The following RTF1 variants were observed in gnomAD, a reference collection of about 807,000 sequenced individuals.
RTF1 encodes RTF1 homolog, Paf1/RNA polymerase II complex component.
RTF1 carries 10 observed loss-of-function variants against 95.7 expected under a neutral mutation model. The ratio of observed to expected loss-of-function variants is 0.10; its 90% confidence interval spans 0.06 to 0.18. RTF1 has a LOEUF of 0.18. Ranked by LOEUF, RTF1 falls within the 10% of genes least tolerant of loss-of-function variation. The pLI is 1.00. For synonymous variants in RTF1, 305 were observed against 311.8 expected (o/e 0.98, Z 0.23); for missense variants, 458 against 875.6 (o/e 0.52, Z 6.02).
intron 1 of RTF1, among the ~76,000 whole-genome samples, chr15:41,424,456 A>G (rs1407263749): frequency 1.3e-5 from 2 of 152,206 alleles, no homozygotes; most frequent in Admixed American, 6.5e-5. Context: ...CAGAGTGAGT[A>G]ACATAAACTA....
chr15:41,473,845 T>C (rs941086935), intron 8 of RTF1, among the ~76,000 whole-genome samples: 1 of 151,668 alleles, frequency 6.6e-6, no homozygotes, highest in Non-Finnish European at 1.5e-5. Flanking sequence ...GAGACCATCC[T>C]GGCTAACATG....
chr15:41,478,770 CT>C (rs2050955150), intron 15 of RTF1, 145 bp downstream of exon 15: 3 of 699,802 alleles, frequency 4.3e-6, no homozygotes, highest in Non-Finnish European at 7.3e-6. Flanking sequence ...TGGATACTTC[CT>C]TTTTTATCTT....
intron 1 of RTF1, among the ~76,000 whole-genome samples, chr15:41,431,781 G>A (rs1284137979): frequency 6.6e-6 from 1 of 151,954 alleles, no homozygotes; most frequent in Admixed American, 6.6e-5. Context: ...CTACAGTTGT[G>A]AGCCAGTGTC....
intron 3 of RTF1, 32 bp downstream of exon 3, chr15:41,453,080 A>G (rs199640276): frequency 1.3e-6 from 2 of 1,508,900 alleles, no homozygotes; most frequent in South Asian, 1.4e-5. Flanking sequence ...TGGAAGGTCA[A>G]CTCCCACTCT....
chr15:41,418,639 C>A (rs1193063024), intron 1 of RTF1, among the ~76,000 whole-genome samples: 1 of 151,914 alleles, frequency 6.6e-6, no homozygotes, highest in Non-Finnish European at 1.5e-5. Flanking sequence ...GGAGAAACCC[C>A]ATCTCTACTA....
At chr15:41,445,977 ATCTG>A (rs2050758761) in intron 2 of RTF1, among the ~76,000 whole-genome samples, 1 of 152,024 alleles carries the variant, frequency 6.6e-6, no homozygotes, top group South Asian at 2.1e-4. Context: ...GCCTCAAGTG[ATCTG>A]TCTGCCTCGG....
At position 41,476,484 on chromosome 15, in the gene RTF1, C is replaced by T. The variant is rs1028824782; in HGVS notation, c.1521C>T (p.Pro507=). The T allele has an allele frequency of 3.7e-6, 6 of 1,613,818 alleles. No homozygotes were observed. The Admixed American group carries it at 8.3e-5, about 22-fold the overall frequency. Residue 507 remains proline (P), a synonymous_variant, in exon 12 of 18, where the codon CCC becomes CCT. Transcript: ENST00000389629. ...AAGAAAGGTTCAGAAAAGCTCCACCCAACTACGCTATGAAGAAGACTCAGC... is the reference window on the plus strand; with the variant it reads ...AAGAAAGGTTCAGAAAAGCTCCACCTAACTACGCTATGAAGAAGACTCAGC... ...KEKERFRKAP[P]NYAMKKTQLL...
rs1566852608 is a variant in RTF1 at position 41,483,284 on chromosome 15, C to T, written c.*2597C>T. ...GGGGAATTCCCTCATTGGGCCCCTC[C>T]TCCCTCCACAGTGTGGTTTCAGTGT... On this transcript the variant is annotated 3_prime_UTR_variant, in exon 18 of 18. Transcript: ENST00000389629. 1 of 152,596 alleles carries T rather than the reference C, an allele frequency of 6.6e-6. No homozygotes were observed. Among genetic ancestry groups the T allele is most frequent in the Non-Finnish European group, 1.5e-5 (1 of 68,042 alleles). The allele number at this position is 152,596 out of a possible 1,614,324, so 9.5% of individuals were successfully genotyped here.
intron 1 of RTF1, among the ~76,000 whole-genome samples, chr15:41,430,741 C>G (rs1259919014): frequency 6.6e-6 from 1 of 151,874 alleles, no homozygotes; most frequent in African/African-American, 2.4e-5. Context: ...ATTTCATCTC[C>G]AAAAACAAAC....
Position 41,477,507 on chromosome 15 carries a change from G to C in RTF1, c.1732G>C (p.Ala578Pro). ...GTGGAACATTGTAGAGTCTGAGAAG[G>C]CCCTTGTGGTAAGAAAACTTTATCT... is the stretch of plus-strand genomic sequence containing the variant. ...REWNIVESEKALVAESHNMKN... is the reference protein window; with the variant it reads ...REWNIVESEKPLVAESHNMKN... Residue 578 changes from alanine (A) to proline (P), a missense_variant, in exon 14 of 18, where the codon GCC becomes CCC. Ala to Pro is a conservative substitution (Grantham distance 27). This residue lies in a region of RTF1 where 15 missense variants were observed against 57.1 expected (regional missense o/e 0.26). Transcript: ENST00000389629. 1 of 1,614,142 alleles carries C rather than the reference G, an allele frequency of 6.2e-7. No homozygotes were observed. Among genetic ancestry groups the C allele is most frequent in the Non-Finnish European group, 8.5e-7 (1 of 1,179,958 alleles).
chr15:41,471,309 G>A lies in RTF1; in HGVS notation c.1163G>A (p.Arg388Gln). ...AAAACTGTCACAGGATGTTTTGTGC[G>A]GATTGGCATCGGAAACCACAACAGC... is the stretch of plus-strand genomic sequence containing the variant. ...FAKTVTGCFV[R>Q]IGIGNHNSKP... Residue 388 changes from arginine to glutamine, a missense_variant, in exon 8 of 18, where the codon CGG becomes CAG. By Grantham distance (43) the Arg-to-Gln change is conservative. Around this residue, in one of 11 missense-constraint regions of RTF1, gnomAD observed 150 missense variants for 275.7 expected, o/e 0.54. Transcript: ENST00000389629. 1 of 1,613,358 alleles carries A rather than the reference G, an allele frequency of 6.2e-7. No homozygotes were observed. Among genetic ancestry groups the A allele is most frequent in the Non-Finnish European group, 8.5e-7 (1 of 1,179,832 alleles).
chr15:41,452,888 T>A lies in RTF1; in HGVS notation c.310-13T>A. 6.4e-7 allele frequency: 1 copy of A among 1,555,090 alleles called. No homozygotes were observed. The highest frequency in any genetic ancestry group is 8.7e-7 in the Non-Finnish European group (1 of 1,154,136). ...TTCCTATTTCAGTCTTCCTTTTTCT[T>A]TTCTCCTTATAGTGGACATTTGGGA... On this transcript the variant is annotated splice_polypyrimidine_tract_variant and intron_variant, in intron 2 of 17. Transcript: ENST00000389629.
chr15:41,461,936 TAG>T (rs1423429984), intron 4 of RTF1, among the ~76,000 whole-genome samples: 16 of 149,656 alleles, frequency 1.1e-4, no homozygotes, highest in Non-Finnish European at 7.4e-5. Flanking sequence ...TTTTTTTTTT[TAG>T]AGAGGGGGGG....
intron 6 of RTF1, among the ~76,000 whole-genome samples, chr15:41,469,202 A>C (rs2050896806): frequency 1.3e-5 from 2 of 151,870 alleles, no homozygotes; most frequent in Non-Finnish European, 2.9e-5. Context: ...CCTGACCTTA[A>C]GTGATCCGCC....
At chr15:41,462,328 G>A (rs1431233382) in intron 4 of RTF1, among the ~76,000 whole-genome samples, 1 of 152,080 alleles carries the variant, frequency 6.6e-6, no homozygotes. Flanking sequence ...ATTTTCAGTT[G>A]TTAGATTATT....
intron 1 of RTF1, among the ~76,000 whole-genome samples, chr15:41,436,399 G>A (rs1201056338): frequency 6.6e-6 from 1 of 150,984 alleles, no homozygotes; most frequent in Admixed American, 6.6e-5. Context: ...CGATCTTGCA[G>A]TGAGCCAAGA....
intron 4 of RTF1, among the ~76,000 whole-genome samples, chr15:41,461,260 C>T (rs1036544437): frequency 2.0e-5 from 3 of 151,530 alleles, no homozygotes; most frequent in Admixed American, 2.0e-4. Context: ...CCAGGCTGGT[C>T]TCCATCCACC....
At chr15:41,430,451 A>G (rs2050663852) in intron 1 of RTF1, among the ~76,000 whole-genome samples, 1 of 151,954 alleles carries the variant, frequency 6.6e-6, no homozygotes, top group Non-Finnish European at 1.5e-5. Context: ...TAAGAATGTA[A>G]AGGACTGGCT....
At chr15:41,458,640 T>C (rs1595435153) in intron 4 of RTF1, among the ~76,000 whole-genome samples, 1 of 151,448 alleles carries the variant, frequency 6.6e-6, no homozygotes, top group African/African-American at 2.4e-5. Context: ...TCCCAGCTAC[T>C]CAGGAGGCCG....
Sources: gnomAD v4.1 joint callset for allele counts (sites outside exome capture counted in the v4.1 genomes callset) on GRCh38, gnomAD v4.1.1 for gene constraint, gnomAD v4.1.1 regional missense constraint, MANE v1.5 for transcripts, NCBI Gene and HGNC (gene_info 2026-07-23, HGNC 2026-07-21) for gene names.